Variants in MAGI2 observed in about 807,000 individuals in gnomAD.
MAGI2 encodes membrane associated guanylate kinase, WW and PDZ domain containing 2, also known as membrane-associated guanylate kinase, WW and PDZ domain-containing protein 2.
MAGI2 carries 35 observed loss-of-function variants against 133.3 expected under a neutral mutation model. The ratio of observed to expected loss-of-function variants is 0.26; its 90% CI spans 0.20 to 0.35. MAGI2 has a LOEUF of 0.35. MAGI2 is among the 10% of genes least tolerant of loss of function. The probability of loss-of-function intolerance (pLI) is 1.00; values close to 1 mark genes in which losing one functional copy is unlikely to be tolerated. For synonymous variants in MAGI2, 729 were observed against 710.6 expected (o/e 1.03, Z -0.41); for missense variants, 1,636 against 1,863.4 (o/e 0.88, Z 2.25).
At chr7:78,625,880 A>G (rs768709891) in intron 3 of MAGI2, among the ~76,000 whole-genome samples, 1 of 152,238 alleles carries the variant, frequency 6.6e-6, no homozygotes, top group Non-Finnish European at 1.5e-5. Flanking sequence ...AACAGATTAC[A>G]GTACATAGCC....
chr7:78,247,093 C>T (rs1339457984), intron 10 of MAGI2, among the ~76,000 whole-genome samples: 2 of 152,148 alleles, frequency 1.3e-5, no homozygotes, highest in African/African-American at 4.8e-5. Context: ...GCTGCTGCAG[C>T]TGCATATGCT....
chr7:78,320,318 A>C (rs987005092), intron 9 of MAGI2, among the ~76,000 whole-genome samples: 3 of 152,124 alleles, frequency 2.0e-5, no homozygotes, highest in South Asian at 2.1e-4. Flanking sequence ...GACACACACA[A>C]AAAAAGGAAA....
intron 2 of MAGI2, among the ~76,000 whole-genome samples, chr7:78,904,369 G>C (rs1200519558): frequency 3.9e-5 from 6 of 152,098 alleles, no homozygotes; most frequent in African/African-American, 1.4e-4. Context: ...AAGAATGGAA[G>C]AAAACATTTT....
At chr7:78,760,366 T>TA (rs1563467509) in intron 2 of MAGI2, among the ~76,000 whole-genome samples, 6 of 147,104 alleles carry the variant, frequency 4.1e-5, no homozygotes, top group Non-Finnish European at 1.5e-5. Flanking sequence ...TCTCTCTTTT[T>TA]TTTTTTTTTT....
chr7:78,573,075 A>ATATATATG (rs1801721229), intron 3 of MAGI2, among the ~76,000 whole-genome samples: 1 of 98,366 alleles, frequency 1.0e-5, no homozygotes. Flanking sequence ...ATATATATAT[A>ATATATATG]TACACACACA....
chr7:79,380,679 A>T (rs1193732752), intron 1 of MAGI2, among the ~76,000 whole-genome samples: 1 of 151,750 alleles, frequency 6.6e-6, no homozygotes, highest in African/African-American at 2.4e-5. Context: ...ATCTTTTAAA[A>T]ATCCACTACA....
At chr7:79,116,399 T>C (rs997288570) in intron 1 of MAGI2, among the ~76,000 whole-genome samples, 2 of 152,112 alleles carry the variant, frequency 1.3e-5, no homozygotes, top group Non-Finnish European at 1.5e-5. Context: ...TCCTATTTGA[T>C]AGGCTATTAC....
At chr7:79,080,877 C>T (rs1306321534) in intron 1 of MAGI2, among the ~76,000 whole-genome samples, 1 of 152,070 alleles carries the variant, frequency 6.6e-6, no homozygotes, top group East Asian at 1.9e-4. Context: ...GAGTAGTCTC[C>T]TAATGATCAT....
intron 2 of MAGI2, among the ~76,000 whole-genome samples, chr7:78,878,843 T>A (rs564640047): frequency 1.0e-3 from 154 of 152,286 alleles, no homozygotes; most frequent in Non-Finnish European, 1.9e-3. Flanking sequence ...AAAGCTGGAA[T>A]CACCTATAGT....
At chr7:78,038,637 C>T (rs1810488976) in intron 21 of MAGI2, among the ~76,000 whole-genome samples, 1 of 152,180 alleles carries the variant, frequency 6.6e-6, no homozygotes, top group Admixed American at 6.5e-5. Context: ...CAGGGATTCA[C>T]ATGCGGGTTG....
At chr7:79,340,832 A>T (rs530126426) in intron 1 of MAGI2, among the ~76,000 whole-genome samples, 1 of 152,162 alleles carries the variant, frequency 6.6e-6, no homozygotes, top group Non-Finnish European at 1.5e-5. Context: ...TTAAACTCTG[A>T]TACAAACTTG....
chr7:78,544,289 C>G (rs1223365331), intron 3 of MAGI2, among the ~76,000 whole-genome samples: 1 of 152,222 alleles, frequency 6.6e-6, no homozygotes, highest in Non-Finnish European at 1.5e-5. Flanking sequence ...GTCAGGAACA[C>G]ATGAATCCTT....
At chr7:79,111,861 G>T (rs1385624831) in intron 1 of MAGI2, among the ~76,000 whole-genome samples, 1 of 151,970 alleles carries the variant, frequency 6.6e-6, no homozygotes, top group Non-Finnish European at 1.5e-5. Flanking sequence ...TACAGACGGG[G>T]TTTCATCGTG....
At chr7:78,093,811 A>C (rs566424814) in intron 20 of MAGI2, among the ~76,000 whole-genome samples, 1 of 152,306 alleles carries the variant, frequency 6.6e-6, no homozygotes, top group South Asian at 2.1e-4. Context: ...ATTGCCCAAG[A>C]GCTTGTTACG....
intron 1 of MAGI2, among the ~76,000 whole-genome samples, chr7:79,318,257 ACAC>A (rs1219976945): frequency 7.2e-5 from 11 of 152,256 alleles, no homozygotes; most frequent in African/African-American, 2.4e-4. Flanking sequence ...TAAAATGTCA[ACAC>A]CACAACACAC....
rs1801198083 is a variant in MAGI2, at chr7:78,568,727, G to C, written c.539-47082C>G. Among the ~76,000 whole-genome samples, 5 of 151,978 alleles carry C rather than the reference G, an allele frequency of 3.3e-5. No individual in the cohort carries two copies. In the South Asian group the frequency reaches 1.0e-3, roughly 32 times the overall value. ...GTCTCCACACAGAAGCAAGAGTGAG[G>C]CTTTAAAATGTTGTACATATAAATG... On this transcript the variant is annotated intron_variant, in intron 3 of 21. Coordinates refer to ENST00000354212, the MANE Select transcript of MAGI2 (RefSeq NM_012301.4).
intron 1 of MAGI2, among the ~76,000 whole-genome samples, chr7:79,229,294 C>T (rs966390886): frequency 6.6e-6 from 1 of 152,062 alleles, no homozygotes; most frequent in Non-Finnish European, 1.5e-5. Context: ...TTCTACCTCC[C>T]CTGGGCCATC....
chr7:79,438,783 G>C (rs1020836170), intron 1 of MAGI2, among the ~76,000 whole-genome samples: 2 of 151,962 alleles, frequency 1.3e-5, no homozygotes, highest in African/African-American at 2.4e-5. Flanking sequence ...CTTGCTCTCA[G>C]TTTCTTCTCT....
intron 21 of MAGI2, among the ~76,000 whole-genome samples, chr7:78,064,266 G>A (rs1813584601): frequency 6.6e-6 from 1 of 151,730 alleles, no homozygotes; most frequent in Admixed American, 6.6e-5. Flanking sequence ...GACATACTTT[G>A]GAGAAATGAT....
Sources: allele counts gnomAD v4.1 joint callset (sites outside exome capture counted in the v4.1 genomes callset), GRCh38; gene constraint gnomAD v4.1.1; transcripts MANE v1.5; gene names NCBI Gene and HGNC (gene_info 2026-07-23, HGNC 2026-07-21).